Variants in AKAIN1 observed in about 807,000 individuals in gnomAD.
The protein encoded by AKAIN1 is A-kinase anchor protein inhibitor 1.
A neutral mutation model predicts 3.7 loss-of-function variants in AKAIN1; 3 were observed. The ratio of observed to expected loss-of-function variants is 0.82; its 90% confidence interval spans 0.37 to 2.12. The LOEUF is 2.12. Among genes scored for constraint, AKAIN1 ranks in the 30% most tolerant of loss-of-function variants. The pLI is 0.06. For synonymous variants in AKAIN1, 31 were observed against 30.8 expected, an observed-to-expected ratio of 1.01 and a Z score of -0.02; for missense variants, 82 against 82.7, an observed-to-expected ratio of 0.99 and a Z score of 0.03.
chr18:5,151,149 A>G (rs951325018), intron 1 of AKAIN1, among the ~76,000 whole-genome samples: 1 of 152,204 alleles, frequency 6.6e-6, no homozygotes, highest in African/African-American at 2.4e-5. Flanking sequence ...ACACTGTAAT[A>G]CACAGGGCTG....
At chr18:5,151,685 C>T (rs919072047) in intron 1 of AKAIN1, among the ~76,000 whole-genome samples, 3 of 152,186 alleles carry the variant, frequency 2.0e-5, no homozygotes, top group African/African-American at 7.2e-5. Flanking sequence ...CTGACTCTAC[C>T]TACAATGGCC....
At chr18:5,155,034 CG>C (rs2071099510) in intron 1 of AKAIN1, among the ~76,000 whole-genome samples, 1 of 152,042 alleles carries the variant, frequency 6.6e-6, no homozygotes, top group Non-Finnish European at 1.5e-5. Flanking sequence ...GAAAGCCTAA[CG>C]GGGTTGGCGA....
chr18:5,184,498 G>T lies in AKAIN1; in HGVS notation c.16+12540C>A, dbSNP rs80342885. On this transcript the variant is annotated intron_variant, in intron 1 of 1. Coordinates refer to ENST00000434239, the MANE Select transcript of AKAIN1 (RefSeq NM_001145194.2). ...TGATAAACAACTTCAGCAAAGTTCAGGATACAAAATCCATGCATGAAAACC... is the reference window on the plus strand; with the variant it reads ...TGATAAACAACTTCAGCAAAGTTCATGATACAAAATCCATGCATGAAAACC... Among the ~76,000 whole-genome samples, 717 of 152,106 alleles carry T rather than the reference G, an allele frequency of 4.7e-3. 8 individuals carry two copies. The highest frequency in any genetic ancestry group is 0.016 in the African/African-American group (675 of 41,516).
intron 1 of AKAIN1, among the ~76,000 whole-genome samples, chr18:5,166,879 C>T (rs967197501): frequency 1.3e-5 from 2 of 152,066 alleles, no homozygotes; most frequent in Non-Finnish European, 2.9e-5. Context: ...GTTTCTGCTC[C>T]TAAAATCACA....
intron 1 of AKAIN1, chr18:5,159,285 T>C (rs553466867): frequency 1.6e-4 from 25 of 152,222 alleles, no homozygotes; most frequent in Admixed American, 7.8e-4. Flanking sequence ...ATGTCACGTG[T>C]TTCACCCTGT....
intron 1 of AKAIN1, among the ~76,000 whole-genome samples, chr18:5,194,955 T>C (rs184808188): frequency 2.6e-5 from 4 of 152,302 alleles, no homozygotes; most frequent in East Asian, 3.9e-4. Context: ...GTTGCAGTGC[T>C]GAAAATCTGG....
chr18:5,192,567 G>T (rs1334892328), intron 1 of AKAIN1, among the ~76,000 whole-genome samples: 1 of 151,838 alleles, frequency 6.6e-6, no homozygotes, highest in East Asian at 1.9e-4. Flanking sequence ...TGAGAAAGTG[G>T]GCCCTCTCCA....
intron 1 of AKAIN1, among the ~76,000 whole-genome samples, chr18:5,183,119 C>T (rs2071267982): frequency 6.6e-6 from 1 of 151,996 alleles, no homozygotes; most frequent in African/African-American, 2.4e-5. Context: ...TTTAGAGCCT[C>T]ACTTTTATCA....
intron 1 of AKAIN1, among the ~76,000 whole-genome samples, chr18:5,155,551 C>T (rs147428447): frequency 6.6e-6 from 1 of 152,298 alleles, no homozygotes; most frequent in East Asian, 1.9e-4. Flanking sequence ...GGCTGCCCTG[C>T]AGGCTGTAGC....
chr18:5,168,738 G>T (rs1431690474), intron 1 of AKAIN1, among the ~76,000 whole-genome samples: 1 of 151,764 alleles, frequency 6.6e-6, no homozygotes, highest in African/African-American at 2.4e-5. Context: ...TTGTAACAGA[G>T]GTGTTTTACA....
rs2071035744 is a variant in AKAIN1 at position 5,144,098 on chromosome 18, T to C, written c.*1464A>G. The stretch of plus-strand genomic sequence containing the variant: ...TTAAATTTTAAGCCCTTCTGCTTCC[T>C]TCTCCTTCCATGTTTCCTGTGAATT... On this transcript the variant is annotated 3_prime_UTR_variant, in exon 2 of 2. Transcript: ENST00000434239. 6.6e-6 allele frequency among the ~76,000 whole-genome samples: 1 copy of C among 152,246 alleles called. No individual in the cohort carries two copies. The highest frequency in any genetic ancestry group is 2.4e-5 in the African/African-American group (1 of 41,462).
chr18:5,177,908 G>A (rs981654699), intron 1 of AKAIN1, among the ~76,000 whole-genome samples: 1 of 152,098 alleles, frequency 6.6e-6, no homozygotes, highest in African/African-American at 2.4e-5. Context: ...CATCACTGGA[G>A]AAGACACAGT....
At position 5,145,230 on chromosome 18, in the gene AKAIN1, C is replaced by T. The variant is rs984871404; in HGVS notation, c.*332G>A. The T allele has an allele frequency of 2.3e-4, 46 of 196,804 alleles. No homozygotes were observed. Among genetic ancestry groups the T allele is most frequent in the East Asian group, 1.2e-3 (10 of 8,104 alleles). The allele number at this position is 196,804 out of a possible 1,614,324, so 12.2% of individuals were successfully genotyped here. ...CTGCTTGTTAAATTCACAGAAGGAA[C>T]GCATAAAAGGCAGAAGTAAATAAAC... On this transcript the variant is annotated 3_prime_UTR_variant, in exon 2 of 2. Coordinates refer to ENST00000434239, the MANE Select transcript of AKAIN1 (RefSeq NM_001145194.2).
chr18:5,169,670 C>A (rs551227078), intron 1 of AKAIN1, among the ~76,000 whole-genome samples: 1 of 152,260 alleles, frequency 6.6e-6, no homozygotes, highest in South Asian at 2.1e-4. Flanking sequence ...TGAGGTCTCT[C>A]TTAGTTTATC....
rs185869196 is a variant in AKAIN1 at position 5,167,397 on chromosome 18, C to T, written c.17-21642G>A. 5.3e-5 allele frequency among the ~76,000 whole-genome samples: 8 copies of T among 152,210 alleles called. No individual in the cohort carries two copies. The East Asian group carries it at 1.5e-3, about 29-fold the overall frequency. On this transcript the variant is annotated intron_variant, in intron 1 of 1. Coordinates refer to ENST00000434239, the MANE Select transcript of AKAIN1 (RefSeq NM_001145194.2). ...AATGTAACCATCATTGTAACCTAGA[C>T]TTGTGAGCAACTGCCTGCGTCACAT...
chr18:5,181,486 T>C (rs2071258470), intron 1 of AKAIN1, among the ~76,000 whole-genome samples: 1 of 152,118 alleles, frequency 6.6e-6, no homozygotes, highest in African/African-American at 2.4e-5. Flanking sequence ...AAAGTACATG[T>C]GATACATGTG....
At chr18:5,197,285 G>T, upstream of AKAIN1, 1 of 1,371,896 alleles carries the variant, frequency 7.3e-7, no homozygotes, top group Non-Finnish European at 9.3e-7. This position sits in a 1 kb window ranked among gnomAD's most constrained non-coding sequence, Gnocchi z 6.9. Context: ...GGGAGGAGGA[G>T]GGTGAATCCC....
chr18:5,183,657 G>A (rs866203250), intron 1 of AKAIN1, among the ~76,000 whole-genome samples: 1 of 151,974 alleles, frequency 6.6e-6, no homozygotes, highest in Non-Finnish European at 1.5e-5. Flanking sequence ...ATGCAAAGTT[G>A]ATTCCTGTTA....
chr18:5,172,445 A>G (rs2071202971), intron 1 of AKAIN1, among the ~76,000 whole-genome samples: 1 of 152,136 alleles, frequency 6.6e-6, no homozygotes. Flanking sequence ...TGTACGCACA[A>G]AAATTAAAAA....
Sources: gnomAD v4.1 joint callset for allele counts (sites outside exome capture counted in the v4.1 genomes callset) on GRCh38, gnomAD v4.1.1 for gene constraint, Gnocchi (gnomAD v3.1) non-coding constraint, MANE v1.5 for transcripts, NCBI Gene and HGNC (gene_info 2026-07-23, HGNC 2026-07-21) for gene names.